The following EDIL3 variants were observed in gnomAD, a reference collection of about 807,000 sequenced individuals.
EDIL3 encodes the protein EGF-like repeat and discoidin I-like domain-containing protein 3.
EDIL3 carries 37 observed loss-of-function variants against 67.4 expected under a neutral mutation model. That is an observed-to-expected ratio of 0.55 (90% confidence interval 0.42 to 0.72). EDIL3 has a LOEUF of 0.72. Ranked by LOEUF, EDIL3 falls within the 30% of genes least tolerant of loss-of-function variation. EDIL3 has a pLI of 0.00. For synonymous variants in EDIL3, 195 were observed against 196.3 expected, an observed-to-expected ratio of 0.99 and a Z score of 0.05; for missense variants, 527 against 586.3, an observed-to-expected ratio of 0.90 and a Z score of 1.04.
chr5:83,967,157 C>T (rs1744703694), intron 9 of EDIL3, among the ~76,000 whole-genome samples: 1 of 151,864 alleles, frequency 6.6e-6, no homozygotes, highest in Admixed American at 6.6e-5. Flanking sequence ...CCCACCTCTA[C>T]AAAAATTACA....
Position 83,940,662 on chromosome 5 carries a change from C to T in EDIL3, c.*2757G>A, listed in dbSNP as rs550371369. ...AAGGTCATACTGGTTTTACATCCTA[C>T]GTGATATAAGTATATATACAAAGAA... On this transcript the variant is annotated 3_prime_UTR_variant, in exon 11 of 11. Transcript: ENST00000296591. The T allele has an allele frequency of 7.9e-5, 12 of 151,996 alleles. No individual in the cohort carries two copies. Among genetic ancestry groups the T allele is most frequent in the Non-Finnish European group, 8.8e-5 (6 of 67,868 alleles). 9.4% of individuals were successfully genotyped at this position (151,996 alleles called of 1,614,324 possible). A position where few individuals can be genotyped will look rare whatever the true frequency, so the allele number is the denominator to read the frequency against.
At chr5:84,280,422 T>C (rs904500093) in intron 1 of EDIL3, among the ~76,000 whole-genome samples, 5 of 152,230 alleles carry the variant, frequency 3.3e-5, no homozygotes, top group Admixed American at 6.5e-5. Flanking sequence ...CCTGTATGTA[T>C]GTTTTTCTTA....
chr5:84,080,735 G>A (rs1380265990), intron 6 of EDIL3, among the ~76,000 whole-genome samples: 1 of 152,092 alleles, frequency 6.6e-6, no homozygotes, highest in African/African-American at 2.4e-5. Flanking sequence ...TTCTATACTT[G>A]AATAACTTCA....
At chr5:84,006,255 C>T (rs1282416605) in intron 9 of EDIL3, among the ~76,000 whole-genome samples, 3 of 151,876 alleles carry the variant, frequency 2.0e-5, no homozygotes, top group Admixed American at 6.6e-5. Flanking sequence ...TTAAAATGAC[C>T]GTACTCTACA....
chr5:84,184,067 T>C (rs1237781546), intron 3 of EDIL3, among the ~76,000 whole-genome samples: 2 of 152,074 alleles, frequency 1.3e-5, no homozygotes, highest in African/African-American at 2.4e-5. Flanking sequence ...GATCGTGCCA[T>C]TGCACTCCAG....
chr5:84,176,798 TCA>T (rs1161246577), intron 4 of EDIL3, among the ~76,000 whole-genome samples: 2 of 138,312 alleles, frequency 1.4e-5, no homozygotes. Flanking sequence ...TGCGTGTGTT[TCA>T]CATTCTTCTA....
rs1047676371 is a variant in EDIL3 at position 84,132,124 on chromosome 5, A to G, written c.469+5117T>C. The stretch of plus-strand genomic sequence containing the variant: ...GTGGCAGGCACCTGTAATCCCAGCT[A>G]CTTGGGAGGCTGAGGCAGGAGAATT... On this transcript the variant is annotated intron_variant, in intron 5 of 10. Transcript: ENST00000296591. Among the ~76,000 whole-genome samples the G allele has an allele frequency of 1.0e-4, 15 of 150,160 alleles. No homozygotes were observed. The East Asian group carries it at 2.2e-3, about 22-fold the overall frequency.
chr5:83,988,384 T>A (rs1480714426), intron 9 of EDIL3, among the ~76,000 whole-genome samples: 1 of 152,196 alleles, frequency 6.6e-6, no homozygotes, highest in Non-Finnish European at 1.5e-5. Context: ...CATTTGAAAT[T>A]TTAAAAATAA....
chr5:84,128,264 G>T (rs1046627997), intron 5 of EDIL3, among the ~76,000 whole-genome samples: 2 of 152,050 alleles, frequency 1.3e-5, no homozygotes, highest in African/African-American at 4.8e-5. Context: ...TGCACATTTG[G>T]TGAAAGATCA....
At chr5:84,125,386 C>T (rs1747850915) in intron 5 of EDIL3, among the ~76,000 whole-genome samples, 1 of 151,904 alleles carries the variant, frequency 6.6e-6, no homozygotes, top group South Asian at 2.1e-4. Context: ...GACGATAAGT[C>T]ATTTCTATTG....
At chr5:84,311,612 G>T (rs1334274179) in intron 1 of EDIL3, among the ~76,000 whole-genome samples, 1 of 151,668 alleles carries the variant, frequency 6.6e-6, no homozygotes, top group African/African-American at 2.4e-5. Flanking sequence ...CACAGAGGGG[G>T]ATTTGGCAGG....
At chr5:84,045,199 C>T (rs1193660558) in intron 9 of EDIL3, among the ~76,000 whole-genome samples, 1 of 152,144 alleles carries the variant, frequency 6.6e-6, no homozygotes, top group African/African-American at 2.4e-5. Context: ...ATTTAATTAT[C>T]TCCCTCTAGG....
chr5:84,061,067 A>T (rs1199446634), intron 8 of EDIL3, among the ~76,000 whole-genome samples: 1 of 152,126 alleles, frequency 6.6e-6, no homozygotes, highest in Non-Finnish European at 1.5e-5. Flanking sequence ...AGAGGAATCT[A>T]GTATTTACTG....
chr5:84,338,674 A>G (rs1747037006), intron 1 of EDIL3, among the ~76,000 whole-genome samples: 1 of 152,180 alleles, frequency 6.6e-6, no homozygotes, highest in Non-Finnish European at 1.5e-5. Context: ...AGAAACTCTC[A>G]CTTTCATACA....
In EDIL3 at chr5:84,384,425, G is replaced by A. The variant is rs752017887; in HGVS notation, c.-51C>T. ...GGCTGGTCAGGGGTCGTCGCGGAGG[G>A]CAGTGTAGCCGAGGTGGCAGCGCAG... is the stretch of plus-strand genomic sequence containing the variant. On this transcript the variant is annotated 5_prime_UTR_variant, in exon 1 of 11. Transcript: ENST00000296591. 7 of 1,601,224 alleles carry A rather than the reference G, an allele frequency of 4.4e-6. No individual in the cohort carries two copies. In the African/African-American group the frequency reaches 9.4e-5, roughly 21 times the overall value.
intron 1 of EDIL3, among the ~76,000 whole-genome samples, chr5:84,350,762 T>C (rs1044784982): frequency 3.3e-5 from 5 of 152,060 alleles, no homozygotes; most frequent in Non-Finnish European, 5.9e-5. Flanking sequence ...CATTGTTCAA[T>C]AGAAATATAA....
At chr5:84,345,064 C>T (rs28368742) in intron 1 of EDIL3, among the ~76,000 whole-genome samples, 42,538 of 152,058 alleles carry the variant, frequency 0.28, 6,861 homozygotes, top group Non-Finnish European at 0.37. Context: ...CTCATCTTTT[C>T]CCATGGCTCA....
intron 9 of EDIL3, among the ~76,000 whole-genome samples, chr5:84,035,246 C>G (rs1746001311): frequency 6.6e-6 from 1 of 152,078 alleles, no homozygotes; most frequent in Non-Finnish European, 1.5e-5. Flanking sequence ...ATCCTTATGT[C>G]ATTATAATGA....
intron 6 of EDIL3, among the ~76,000 whole-genome samples, chr5:84,096,731 G>A: frequency 6.6e-6 from 1 of 152,110 alleles, no homozygotes; most frequent in East Asian, 1.9e-4. Flanking sequence ...ATGAGATTTT[G>A]GACAGTACAC....
Sources: allele counts gnomAD v4.1 joint callset (sites outside exome capture counted in the v4.1 genomes callset), GRCh38; gene constraint gnomAD v4.1.1; transcripts MANE v1.5; gene names NCBI Gene and HGNC (gene_info 2026-07-23, HGNC 2026-07-21).